The following MYO3B variants were observed in gnomAD, a reference collection of about 807,000 sequenced individuals.
The protein encoded by MYO3B is myosin IIIB.
In MYO3B, 156 loss-of-function variants were observed where a neutral mutation model predicts 174.6. The observed-to-expected ratio is 0.89, with a 90% CI of 0.78 to 1.02. The LOEUF (loss-of-function observed/expected upper bound fraction) is 1.02, where lower values mean the gene tolerates loss of function less well. MYO3B is among the 50% of genes least tolerant of loss of function. The probability of loss-of-function intolerance (pLI) is 0.00; values close to 1 mark genes in which losing one functional copy is unlikely to be tolerated. For synonymous variants in MYO3B, 563 were observed against 569.1 expected, an observed-to-expected ratio of 0.99 and a Z score of 0.15; for missense variants, 1,632 against 1,639.4, an observed-to-expected ratio of 1.00 and a Z score of 0.08.
chr2:170,511,062 T>G (rs962411622), intron 28 of MYO3B, among the ~76,000 whole-genome samples: 6 of 137,700 alleles, frequency 4.4e-5, no homozygotes, highest in Non-Finnish European at 9.3e-5. Context: ...TTTCCTTTTG[T>G]TTTTTTTTTT....
chr2:170,623,041 A>G (rs1347325225), intron 32 of MYO3B, among the ~76,000 whole-genome samples: 1 of 152,160 alleles, frequency 6.6e-6, no homozygotes, highest in East Asian at 1.9e-4. Context: ...ATACGTGTGC[A>G]TGTGTCTTTA....
Position 170,214,475 on chromosome 2 carries a change from G to C in MYO3B, c.418G>C (p.Ala140Pro). 6.2e-7 allele frequency: 1 copy of C among 1,613,996 alleles called. No homozygotes were observed. Among genetic ancestry groups the C allele is most frequent in the Non-Finnish European group, 8.5e-7 (1 of 1,179,866 alleles). The change falls in exon 4 of 35, where the codon GCC becomes CCC. Residue 140 changes from alanine (A) to proline (P), a missense_variant. Coordinates refer to ENST00000408978, the MANE Select transcript of MYO3B (RefSeq NM_138995.5). ...AATGATCTCATACATCTTGTACGGG[G>C]CCCTCTTGGTAAGAACATCTATCAA... Reference protein sequence around the residue: ...EAMISYILYGALLGLQHLHNN... With the variant: ...EAMISYILYGPLLGLQHLHNN...
chr2:170,218,851 A>G (rs771544264), intron 6 of MYO3B, among the ~76,000 whole-genome samples: 1 of 152,228 alleles, frequency 6.6e-6, no homozygotes, highest in Non-Finnish European at 1.5e-5. Context: ...AAAGTTATCT[A>G]GGGACTTTGT....
intron 7 of MYO3B, among the ~76,000 whole-genome samples, chr2:170,275,170 T>C (rs995641937): frequency 3.3e-5 from 5 of 152,186 alleles, no homozygotes; most frequent in African/African-American, 1.2e-4. Flanking sequence ...TAAACAATAT[T>C]GATTATACTC....
chr2:170,219,971 G>A (rs757005894), intron 6 of MYO3B, among the ~76,000 whole-genome samples: 3 of 152,270 alleles, frequency 2.0e-5, no homozygotes, highest in South Asian at 2.1e-4. Flanking sequence ...ATTAAGAGGT[G>A]TTTGTGGCCG....
intron 19 of MYO3B, among the ~76,000 whole-genome samples, 174 bp from the exon 20 acceptor site, chr2:170,404,073 G>A (rs1169023532): frequency 6.6e-6 from 1 of 152,128 alleles, no homozygotes; most frequent in Non-Finnish European, 1.5e-5. Context: ...TCAGATTTAA[G>A]TGCACAGCTT....
intron 32 of MYO3B, among the ~76,000 whole-genome samples, chr2:170,615,039 C>G (rs945129042): frequency 6.6e-6 from 1 of 152,150 alleles, no homozygotes; most frequent in African/African-American, 2.4e-5. Context: ...CTCCCTGCCT[C>G]TCTGTAGCAT....
chr2:170,410,068 G>C (rs1025041555), intron 22 of MYO3B, among the ~76,000 whole-genome samples: 3 of 152,174 alleles, frequency 2.0e-5, no homozygotes, highest in Admixed American at 6.5e-5. Flanking sequence ...CTAGAAGCAA[G>C]ATCCCACACT....
intron 7 of MYO3B, among the ~76,000 whole-genome samples, chr2:170,321,825 A>G (rs1223335828): frequency 6.6e-6 from 1 of 152,088 alleles, no homozygotes; most frequent in African/African-American, 2.4e-5. Context: ...TGTTCCTGCT[A>G]GAAGAGTAGG....
At chr2:170,504,181 A>G (rs1202879123) in intron 28 of MYO3B, among the ~76,000 whole-genome samples, 5 of 152,220 alleles carry the variant, frequency 3.3e-5, no homozygotes, top group Non-Finnish European at 7.3e-5. Flanking sequence ...GGATGTTGTC[A>G]CAGCACAACC....
intron 23 of MYO3B, among the ~76,000 whole-genome samples, chr2:170,457,610 G>T (rs534767508): frequency 1.3e-5 from 2 of 152,254 alleles, no homozygotes; most frequent in South Asian, 4.1e-4. Context: ...CAACTAGAAG[G>T]TCTAACACGC....
At chr2:170,631,805 TC>T (rs776303503) in intron 32 of MYO3B, among the ~76,000 whole-genome samples, 6 of 151,986 alleles carry the variant, frequency 3.9e-5, no homozygotes, top group Non-Finnish European at 7.4e-5. Flanking sequence ...TGGAGGAAGA[TC>T]TACCAAGCAA....
At chr2:170,639,599 T>C (rs946855593) in intron 32 of MYO3B, among the ~76,000 whole-genome samples, 1 of 152,196 alleles carries the variant, frequency 6.6e-6, no homozygotes, top group African/African-American at 2.4e-5. Context: ...AGCAAGACAA[T>C]AGCAAACCAT....
At chr2:170,394,556 A>C (rs2094433560) in intron 16 of MYO3B, among the ~76,000 whole-genome samples, 1 of 152,206 alleles carries the variant, frequency 6.6e-6, no homozygotes, top group Non-Finnish European at 1.5e-5. Context: ...TGAAAAGAAA[A>C]AAATGTAAAA....
intron 32 of MYO3B, among the ~76,000 whole-genome samples, chr2:170,588,199 A>T (rs1693606409): frequency 6.6e-6 from 1 of 152,056 alleles, no homozygotes; most frequent in Non-Finnish European, 1.5e-5. Context: ...TGGGAGGCCG[A>T]GGAGGGTGGA....
At chr2:170,232,375 A>G (rs910828437) in intron 6 of MYO3B, among the ~76,000 whole-genome samples, 1 of 152,212 alleles carries the variant, frequency 6.6e-6, no homozygotes, top group African/African-American at 2.4e-5. Context: ...TTTAACTCTC[A>G]TCGTATGTGT....
intron 32 of MYO3B, among the ~76,000 whole-genome samples, chr2:170,555,660 C>T (rs534649992): frequency 1.7e-4 from 25 of 151,044 alleles, no homozygotes; most frequent in African/African-American, 5.8e-4. Context: ...TTGCCTGAGG[C>T]CAAGAGTTTA....
At chr2:170,424,107 G>A (rs536298593) in intron 22 of MYO3B, among the ~76,000 whole-genome samples, 1 of 152,312 alleles carries the variant, frequency 6.6e-6, no homozygotes, top group East Asian at 1.9e-4. Flanking sequence ...ACCAAGAGAT[G>A]GCTCCCGTGT....
intron 8 of MYO3B, chr2:170,348,181 A>G (rs1574828029): frequency 6.6e-6 from 1 of 152,328 alleles, no homozygotes; most frequent in Non-Finnish European, 1.5e-5. Flanking sequence ...GTGTATCAGT[A>G]CCATGTATCA....
Sources: allele counts gnomAD v4.1 joint callset (sites outside exome capture counted in the v4.1 genomes callset), GRCh38; gene constraint gnomAD v4.1.1; transcripts MANE v1.5; gene names NCBI Gene and HGNC (gene_info 2026-07-23, HGNC 2026-07-21).